ARFGEF1: variants seen among roughly 807,000 people sequenced by gnomAD.
The protein encoded by ARFGEF1 is ARF guanine nucleotide exchange factor 1, also known as brefeldin A-inhibited guanine nucleotide-exchange protein 1.
In ARFGEF1, 42 loss-of-function variants were observed where a neutral mutation model predicts 231.0. The observed-to-expected ratio is 0.18, with a 90% CI of 0.14 to 0.24. ARFGEF1 has a LOEUF of 0.24. ARFGEF1 is among the 10% of genes least tolerant of loss of function. The pLI is 1.00. For synonymous variants in ARFGEF1, 710 were observed against 732.3 expected (o/e 0.97, Z 0.49); for missense variants, 1,345 against 2,192.0 (o/e 0.61, Z 7.72).
rs1309107652 is a variant in ARFGEF1 at position 67,298,940 on chromosome 8, GGTATTTTTAGTAGA to G, written c.459+255_459+268del. Among the ~76,000 whole-genome samples, 9 of 151,728 alleles carry G rather than the reference GGTATTTTTAGTAGA, an allele frequency of 5.9e-5. No homozygotes were observed. The East Asian group carries it at 9.7e-4, about 16-fold the overall frequency. ...ACCATCATGCCCAGCTAATTTTTTT[GGTATTTTTAGTAGA>G]GTATTTTTAGTAGAGATGGGGGTTT... is the stretch of plus-strand genomic sequence containing the variant. On this transcript the variant is annotated intron_variant, in intron 4 of 38. Transcript: ENST00000262215.
At chr8:67,282,619 G>A (rs541811846) in intron 7 of ARFGEF1, among the ~76,000 whole-genome samples, 3 of 152,058 alleles carry the variant, frequency 2.0e-5, no homozygotes, top group Admixed American at 1.3e-4. Flanking sequence ...AGGCCAAGGC[G>A]GGTGGATCAC....
intron 9 of ARFGEF1, among the ~76,000 whole-genome samples, chr8:67,274,176 T>A (rs1409894970): frequency 6.6e-6 from 1 of 152,050 alleles, no homozygotes; most frequent in Non-Finnish European, 1.5e-5. Context: ...AAATTTCAGG[T>A]CTGCAGTTTT....
In ARFGEF1 at chr8:67,301,393, GA is replaced by G; in HGVS notation, c.156-14del. The G allele has an allele frequency of 6.2e-7, 1 of 1,602,866 alleles. No homozygotes were observed. Among genetic ancestry groups the G allele is most frequent in the East Asian group, 2.2e-5 (1 of 44,720 alleles). On this transcript the variant is annotated splice_polypyrimidine_tract_variant and intron_variant, in intron 2 of 38. Coordinates refer to ENST00000262215, the MANE Select transcript of ARFGEF1 (RefSeq NM_006421.5). ...TCCATGAGGAGGACTAAATGAGAAA[GA>G]AAAGTCTGATTATAGCGTATCACAT...
At chr8:67,262,009 T>C (rs1024199220) in intron 14 of ARFGEF1, among the ~76,000 whole-genome samples, 12 of 151,964 alleles carry the variant, frequency 7.9e-5, no homozygotes, top group Admixed American at 2.0e-4. Context: ...AAAGCTGCCA[T>C]GTAGAGATAC....
At position 67,181,848 on chromosome 8, in the gene ARFGEF1, C is replaced by CT. The variant is rs1563772856; in HGVS notation, c.561-6277dup. ...CCCCATTGCCCTCTCCCTCCAGCCC[C>CT]TGGCAGCCAACATTGTACTTTCCAT... On this transcript the variant is annotated intron_variant, in intron 5 of 5. Transcript: ENST00000518789. 2.6e-5 allele frequency among the ~76,000 whole-genome samples: 4 copies of CT among 152,308 alleles called. No homozygotes were observed. The South Asian group carries it at 6.2e-4, about 24-fold the overall frequency.
At chr8:67,233,939 T>G (rs1839633112) in intron 22 of ARFGEF1, among the ~76,000 whole-genome samples, 2 of 152,258 alleles carry the variant, frequency 1.3e-5, no homozygotes, top group African/African-American at 4.8e-5. Flanking sequence ...TAAGTACTAC[T>G]CAAATCAGAA....
In ARFGEF1 at chr8:67,307,071, G is replaced by A. The variant is rs1036966975; in HGVS notation, c.125-4605C>T. Among the ~76,000 whole-genome samples, 4 of 152,266 alleles carry A rather than the reference G, an allele frequency of 2.6e-5. No individual in the cohort carries two copies. The South Asian group carries it at 8.3e-4, about 32-fold the overall frequency. On this transcript the variant is annotated intron_variant, in intron 1 of 38. Coordinates refer to ENST00000262215, the MANE Select transcript of ARFGEF1 (RefSeq NM_006421.5). Reference sequence around the variant, plus strand: ...TGGGATTACAGGCGTGAGCCACCACGCCCAGCCACAAATGGATAGTTTTTA... The same window carrying A: ...TGGGATTACAGGCGTGAGCCACCACACCCAGCCACAAATGGATAGTTTTTA...
chr8:67,272,238 C>T (rs140587368), intron 9 of ARFGEF1, among the ~76,000 whole-genome samples: 5 of 152,132 alleles, frequency 3.3e-5, no homozygotes, highest in African/African-American at 9.7e-5. Context: ...GCGATCTCAG[C>T]TCACTGAAAC....
intron 7 of ARFGEF1, among the ~76,000 whole-genome samples, chr8:67,286,748 ACT>A (rs1233072893): frequency 2.0e-5 from 3 of 151,742 alleles, no homozygotes; most frequent in African/African-American, 4.8e-5. Flanking sequence ...TCGGTTCTTC[ACT>A]CTCTACCATT....
intron 34 of ARFGEF1, among the ~76,000 whole-genome samples, chr8:67,209,192 G>T (rs1231892352): frequency 6.6e-6 from 1 of 152,200 alleles, no homozygotes; most frequent in Non-Finnish European, 1.5e-5. Context: ...AAATACAAAC[G>T]TCCATCATCA....
chr8:67,204,926 T>C, intron 34 of ARFGEF1, 107 bp from the exon 35 acceptor site: 1 of 1,339,814 alleles, frequency 7.5e-7, no homozygotes, highest in African/African-American at 1.4e-5. Flanking sequence ...TGTATTCACA[T>C]ATCACACTGA....
At chr8:67,176,452 G>A (rs918463699) in intron 5 of ARFGEF1, among the ~76,000 whole-genome samples, 5 of 152,108 alleles carry the variant, frequency 3.3e-5, no homozygotes, top group African/African-American at 9.7e-5. Flanking sequence ...AGGGATTGTC[G>A]TCCCTTCATC....
intron 5 of ARFGEF1, among the ~76,000 whole-genome samples, chr8:67,294,172 G>A (rs1806131409): frequency 6.6e-6 from 1 of 152,070 alleles, no homozygotes; most frequent in Non-Finnish European, 1.5e-5. Context: ...GTATACAGAG[G>A]ATGTGTGTAG....
At chr8:67,221,580 G>C (rs898138706) in intron 29 of ARFGEF1, among the ~76,000 whole-genome samples, 3 of 152,084 alleles carry the variant, frequency 2.0e-5, no homozygotes, top group Admixed American at 1.3e-4. Flanking sequence ...GTTAATATAA[G>C]AGTCAAGTTT....
At chr8:67,270,978 C>T (rs751585441) in intron 10 of ARFGEF1, among the ~76,000 whole-genome samples, 35 of 141,004 alleles carry the variant, frequency 2.5e-4, no homozygotes, top group African/African-American at 7.0e-4. Flanking sequence ...GAGTCGGAAT[C>T]GCACCATTAC....
intron 33 of ARFGEF1, among the ~76,000 whole-genome samples, chr8:67,214,319 T>G (rs1029788657): frequency 7.2e-5 from 11 of 152,302 alleles, no homozygotes; most frequent in South Asian, 2.1e-4. Flanking sequence ...CTTGGCTGAA[T>G]TGTTGGGTGG....
At chr8:67,310,831 G>A (rs541647326) in intron 1 of ARFGEF1, among the ~76,000 whole-genome samples, 14 of 150,392 alleles carry the variant, frequency 9.3e-5, no homozygotes, top group African/African-American at 2.7e-4. Context: ...CAACCACCCC[G>A]TCTGAGAAGT....
At chr8:67,303,098 C>T (rs1806575649) in intron 1 of ARFGEF1, among the ~76,000 whole-genome samples, 1 of 151,132 alleles carries the variant, frequency 6.6e-6, no homozygotes, top group African/African-American at 2.4e-5. Flanking sequence ...AGACCCTGTC[C>T]TCCCACCAAA....
intron 5 of ARFGEF1, among the ~76,000 whole-genome samples, chr8:67,185,513 T>G (rs1834331858): frequency 6.6e-6 from 1 of 152,168 alleles, no homozygotes; most frequent in South Asian, 2.1e-4. Context: ...ATGGTTTCCC[T>G]TGGGGGCTTT....
Sources: allele counts gnomAD v4.1 joint callset (sites outside exome capture counted in the v4.1 genomes callset), GRCh38; gene constraint gnomAD v4.1.1; transcripts MANE v1.5; gene names NCBI Gene and HGNC (gene_info 2026-07-23, HGNC 2026-07-21).